Variants in MARCHF1 observed in about 807,000 individuals in gnomAD.
MARCHF1 encodes the protein E3 ubiquitin-protein ligase MARCHF1.
In MARCHF1, 40 loss-of-function variants were observed where a neutral mutation model predicts 54.2. That is an observed-to-expected ratio of 0.74 (90% CI 0.57 to 0.96). MARCHF1 has a LOEUF of 0.96. Among genes scored for constraint, MARCHF1 ranks in the 40% least tolerant of loss-of-function variants. MARCHF1 has a pLI of 0.00. For missense variants in MARCHF1, 586 were observed against 656.5 expected, an observed-to-expected ratio of 0.89 and a Z score of 1.17; for synonymous variants, 236 against 236.3, an observed-to-expected ratio of 1.00 and a Z score of 0.01.
chr4:163,545,852 G>A, intron 8 of MARCHF1, 109 bp from the exon 9 acceptor site: 1 of 877,480 alleles, frequency 1.1e-6, no homozygotes, highest in Non-Finnish European at 1.8e-6. Context: ...GTAAATATCT[G>A]CAATTTCAGA....
At chr4:163,856,990 A>G (rs7690922) in intron 3 of MARCHF1, among the ~76,000 whole-genome samples, 148,375 of 151,442 alleles carry the variant, frequency 0.98, 72,743 homozygotes, top group Middle Eastern at 1. Context: ...TCCAGCCTGG[A>G]CAATAGAACA....
chr4:163,969,483 A>C (rs547210012), intron 3 of MARCHF1, among the ~76,000 whole-genome samples: 1 of 152,332 alleles, frequency 6.6e-6, no homozygotes, highest in African/African-American at 2.4e-5. Context: ...TGACAGAACA[A>C]CAGGAATATT....
chr4:164,160,112 A>G (rs1579583653), intron 1 of MARCHF1, among the ~76,000 whole-genome samples: 1 of 152,166 alleles, frequency 6.6e-6, no homozygotes, highest in East Asian at 1.9e-4. Context: ...ATTATGGATA[A>G]AGTATAATGG....
At chr4:164,108,753 C>T (rs1314524010) in intron 2 of MARCHF1, among the ~76,000 whole-genome samples, 1 of 151,838 alleles carries the variant, frequency 6.6e-6, no homozygotes, top group Non-Finnish European at 1.5e-5. Context: ...AGCATTATAA[C>T]CAGAAAGTAG....
intron 3 of MARCHF1, among the ~76,000 whole-genome samples, chr4:163,973,278 G>A (rs1024669282): frequency 2.6e-5 from 4 of 152,160 alleles, no homozygotes; most frequent in African/African-American, 9.7e-5. Flanking sequence ...ATTTACATCA[G>A]CCTCAAATAA....
In MARCHF1 at chr4:163,969,036, C is replaced by T. The variant is rs539081113; in HGVS notation, c.-39+19465G>A. On this transcript the variant is annotated intron_variant, in intron 3 of 9. Coordinates refer to ENST00000514618, the MANE Select transcript of MARCHF1 (RefSeq NM_001394959.1). ...TAAGCATTGCAGCTAGCCATAGGAA[C>T]GTGGCTGGGAGTTTTTTCAGCAGAT... Among the ~76,000 whole-genome samples the T allele has an allele frequency of 1.4e-4, 21 of 152,226 alleles. 1 individual carries two copies. The highest frequency in any genetic ancestry group is 4.6e-4 in the Admixed American group (7 of 15,274).
At chr4:164,361,219 C>G (rs771327310) in intron 1 of MARCHF1, among the ~76,000 whole-genome samples, 4 of 152,002 alleles carry the variant, frequency 2.6e-5, no homozygotes, top group Non-Finnish European at 5.9e-5. Context: ...GCCCTGCTAT[C>G]TTTTAAGTTT....
chr4:164,178,824 A>T (rs111651300), intron 1 of MARCHF1, among the ~76,000 whole-genome samples: 3,807 of 152,252 alleles, frequency 0.025, 79 homozygotes, highest in East Asian at 0.091. Context: ...AAATAAAAAT[A>T]TAAGGAGAAG....
rs1732784097 is a variant in MARCHF1 at position 164,242,103 on chromosome 4, G to A, written c.-322-130441C>T. ...ATTAGGTAAACAAAGCAGCCTGGAA[G>A]CTCGAACTGGGTGGAGCCCACCACA... On this transcript the variant is annotated intron_variant, in intron 1 of 9. Transcript: ENST00000514618. Among the ~76,000 whole-genome samples, 3 of 152,060 alleles carry A rather than the reference G, an allele frequency of 2.0e-5. No individual in the cohort carries two copies. In the South Asian group the frequency reaches 6.2e-4, roughly 32 times the overall value.
At chr4:164,260,157 G>C (rs1168177970) in intron 1 of MARCHF1, among the ~76,000 whole-genome samples, 1 of 151,786 alleles carries the variant, frequency 6.6e-6, no homozygotes. Context: ...CCTAACTCAG[G>C]GTCATCAGCC....
chr4:164,109,347 T>G (rs1755780189), intron 2 of MARCHF1, among the ~76,000 whole-genome samples: 1 of 152,022 alleles, frequency 6.6e-6, no homozygotes, highest in Admixed American at 6.6e-5. Flanking sequence ...CAGTTATTCC[T>G]GTGCTTAAAA....
At chr4:163,853,879 C>G in intron 4 of MARCHF1, 142 bp downstream of exon 4, 1 of 577,146 alleles carries the variant, frequency 1.7e-6, no homozygotes, top group Non-Finnish European at 2.7e-6. Context: ...CTAACCAAAT[C>G]TATATGAATA....
rs539758505 is a variant in MARCHF1 at position 164,307,490 on chromosome 4, G to C, written c.-323+76380C>G. Among the ~76,000 whole-genome samples, 29 of 152,304 alleles carry C rather than the reference G, an allele frequency of 1.9e-4. 1 individual carries two copies. In the South Asian group the frequency reaches 4.8e-3, roughly 25 times the overall value. On this transcript the variant is annotated intron_variant, in intron 1 of 9. Transcript: ENST00000514618. ...CAGTGGCCAGTAAAACCCAAAGCTC[G>C]TCTCTTCCCAACCCTGTGTAATCCT...
At chr4:164,281,233 A>C (rs1231762395) in intron 1 of MARCHF1, among the ~76,000 whole-genome samples, 1 of 152,180 alleles carries the variant, frequency 6.6e-6, no homozygotes, top group African/African-American at 2.4e-5. Context: ...TGAACGTTTT[A>C]ATTTGTTCAG....
intron 8 of MARCHF1, among the ~76,000 whole-genome samples, chr4:163,572,486 C>T (rs1396397009): frequency 6.6e-6 from 1 of 152,038 alleles, no homozygotes; most frequent in Admixed American, 6.6e-5. Flanking sequence ...AATTAAAACC[C>T]AACCTTCTGG....
intron 1 of MARCHF1, among the ~76,000 whole-genome samples, chr4:164,303,851 C>T (rs1022396362): frequency 4.6e-5 from 7 of 152,090 alleles, no homozygotes; most frequent in Non-Finnish European, 2.9e-5. Flanking sequence ...AATAAAGAGA[C>T]ATTTTATTTT....
chr4:163,624,932 C>T (rs1741818314), intron 5 of MARCHF1, among the ~76,000 whole-genome samples: 2 of 152,148 alleles, frequency 1.3e-5, no homozygotes, highest in African/African-American at 2.4e-5. Flanking sequence ...AAGTTACAAC[C>T]CCAGTCATTT....
intron 2 of MARCHF1, among the ~76,000 whole-genome samples, chr4:164,066,299 C>T (rs1348611846): frequency 7.2e-5 from 11 of 152,108 alleles, no homozygotes; most frequent in Admixed American, 6.6e-4. Context: ...TAGAGAAATG[C>T]AAATCAAAAC....
chr4:163,621,219 G>C (rs2110959761), intron 5 of MARCHF1, among the ~76,000 whole-genome samples: 1 of 152,188 alleles, frequency 6.6e-6, no homozygotes, highest in East Asian at 1.9e-4. Flanking sequence ...CCCCACACAT[G>C]AACTCAATGG....
Sources: gnomAD v4.1 joint callset for allele counts (sites outside exome capture counted in the v4.1 genomes callset) on GRCh38, gnomAD v4.1.1 for gene constraint, MANE v1.5 for transcripts, NCBI Gene and HGNC (gene_info 2026-07-23, HGNC 2026-07-21) for gene names.